Variants in SYT1 observed in about 807,000 individuals in gnomAD.
The protein encoded by SYT1 is synaptotagmin 1.
Under a neutral mutation model 44.8 loss-of-function variants are expected in SYT1, and 8 were observed. The ratio of observed to expected loss-of-function variants is 0.18; its 90% CI spans 0.10 to 0.32. SYT1 has a LOEUF of 0.32. SYT1 is among the 10% of genes least tolerant of loss of function. The pLI, the probability that SYT1 is intolerant of heterozygous loss-of-function variation, is 1.00. For missense variants in SYT1, 286 were observed against 509.3 expected (o/e 0.56, Z 4.22); for synonymous variants, 154 against 188.8 (o/e 0.82, Z 1.51).
At chr12:78,950,706 T>C (rs968498167) in intron 1 of SYT1, among the ~76,000 whole-genome samples, 4 of 152,112 alleles carry the variant, frequency 2.6e-5, no homozygotes, top group African/African-American at 7.2e-5. Flanking sequence ...TTTAAATGTA[T>C]GTATATTTAT....
chr12:78,927,938 A>G (rs1877396150), intron 1 of SYT1, among the ~76,000 whole-genome samples: 1 of 152,102 alleles, frequency 6.6e-6, no homozygotes, highest in Non-Finnish European at 1.5e-5. Context: ...AGCTATGGAT[A>G]CCTCCACACT....
chr12:78,945,411 A>G (rs139500987), intron 1 of SYT1, among the ~76,000 whole-genome samples: 1 of 151,526 alleles, frequency 6.6e-6, no homozygotes, highest in African/African-American at 2.4e-5. Context: ...TATGTTATAC[A>G]TATGCATATA....
At chr12:78,909,845 T>C (rs1876215091) in intron 1 of SYT1, among the ~76,000 whole-genome samples, 1 of 150,182 alleles carries the variant, frequency 6.7e-6, no homozygotes, top group Non-Finnish European at 1.5e-5. Flanking sequence ...TAACTTAGTC[T>C]TCAAAGTGTC....
intron 8 of SYT1, among the ~76,000 whole-genome samples, chr12:79,307,247 A>G (rs573585535): frequency 6.6e-6 from 1 of 152,322 alleles, no homozygotes; most frequent in East Asian, 1.9e-4. Context: ...CTGAAAAACA[A>G]GAGCTTAAAT....
At chr12:79,442,219 T>C (rs1182821737) in intron 9 of SYT1, among the ~76,000 whole-genome samples, 1 of 152,214 alleles carries the variant, frequency 6.6e-6, no homozygotes, top group Non-Finnish European at 1.5e-5. Flanking sequence ...GCGACATGAC[T>C]AGCTTTATAA....
chr12:79,178,989 T>G lies in SYT1; in HGVS notation c.-17-38514T>G, dbSNP rs58236619. 2.7e-3 allele frequency among the ~76,000 whole-genome samples: 186 copies of G among 69,296 alleles called. 7 individuals are homozygous for G. The highest frequency in any genetic ancestry group is 0.013 in the East Asian group (24 of 1,830). The allele number at this position is 69,296 out of a possible 152,430, so 45.5% of individuals were successfully genotyped here. On this transcript the variant is annotated intron_variant, in intron 3 of 10. Transcript: ENST00000261205. ...ATAGATATATAGATATAGATATATC[T>G]ATATAGATATAGATATAGATATATA...
chr12:79,044,203 A>G (rs1352514513), intron 2 of SYT1, among the ~76,000 whole-genome samples: 2 of 152,046 alleles, frequency 1.3e-5, no homozygotes, highest in Non-Finnish European at 2.9e-5. Context: ...GTTCTCCTGG[A>G]TAATATCCTG....
chr12:79,318,822 G>A lies in SYT1; in HGVS notation c.810+19271G>A, dbSNP rs909955775. ...CGTCAGAAATAGTCTGCTCTTAATC[G>A]TATCTCAGTGTCAAAAAACAAAAAC... On this transcript the variant is annotated intron_variant, in intron 8 of 10. Coordinates refer to ENST00000261205, the MANE Select transcript of SYT1 (RefSeq NM_005639.3). Among the ~76,000 whole-genome samples the A allele has an allele frequency of 5.9e-5, 9 of 152,238 alleles. No homozygotes were observed. In the South Asian group the frequency reaches 6.2e-4, roughly 11 times the overall value.
At chr12:79,179,363 TATAG>T (rs1303625126) in intron 3 of SYT1, among the ~76,000 whole-genome samples, 1 of 22,268 alleles carries the variant, frequency 4.5e-5, no homozygotes, top group East Asian at 5.4e-4. Context: ...TCGATATAGA[TATAG>T]ATATAGATAT....
intron 1 of SYT1, among the ~76,000 whole-genome samples, chr12:78,903,444 G>T (rs1186081072): frequency 1.3e-5 from 2 of 151,708 alleles, no homozygotes. Context: ...GCACCACCAT[G>T]CCCAGCTAAT....
chr12:79,107,408 T>C (rs1026049213), intron 3 of SYT1, among the ~76,000 whole-genome samples: 9 of 151,926 alleles, frequency 5.9e-5, no homozygotes, highest in Non-Finnish European at 1.3e-4. Flanking sequence ...GATGCAACTA[T>C]TAACATAGAT....
At chr12:79,148,689 G>A (rs1870076807) in intron 3 of SYT1, among the ~76,000 whole-genome samples, 2 of 152,116 alleles carry the variant, frequency 1.3e-5, no homozygotes, top group African/African-American at 4.8e-5. Flanking sequence ...TGTAAATAAT[G>A]CACTATAGTT....
At chr12:78,871,003 T>C (rs1453767979) in intron 1 of SYT1, among the ~76,000 whole-genome samples, 1 of 152,120 alleles carries the variant, frequency 6.6e-6, no homozygotes, top group East Asian at 1.9e-4. Context: ...TTTCTTTTGT[T>C]TACTCACAAG....
intron 1 of SYT1, among the ~76,000 whole-genome samples, chr12:78,884,025 TACTC>T (rs1441181759): frequency 1.9e-5 from 2 of 107,116 alleles, no homozygotes; most frequent in African/African-American, 6.4e-5. Flanking sequence ...TTATTTAAAA[TACTC>T]AATCTAATAA....
At chr12:79,403,567 G>A (rs1021141307) in intron 9 of SYT1, among the ~76,000 whole-genome samples, 2 of 151,982 alleles carry the variant, frequency 1.3e-5, no homozygotes, top group African/African-American at 4.8e-5. Flanking sequence ...GGGTGCTAAG[G>A]GTTACAACTT....
rs1592979650 is a variant in SYT1, at chr12:79,338,830, C to T, written c.811-14672C>T. Among the ~76,000 whole-genome samples, 2 of 152,032 alleles carry T rather than the reference C, an allele frequency of 1.3e-5. 1 individual carries two copies. The highest frequency in any genetic ancestry group is 4.1e-4 in the South Asian group (2 of 4,822). On this transcript the variant is annotated intron_variant, in intron 8 of 10. Transcript: ENST00000261205. ...TACTATCCCTCCCCCATCCCCCGAC[C>T]CCACAACAGGCCCGTGTGTGATGTT...
At chr12:79,159,511 T>G (rs1387639166) in intron 3 of SYT1, among the ~76,000 whole-genome samples, 1 of 152,192 alleles carries the variant, frequency 6.6e-6, no homozygotes, top group Non-Finnish European at 1.5e-5. Context: ...ATGTAACTTT[T>G]ATTACAGTAT....
intron 4 of SYT1, among the ~76,000 whole-genome samples, chr12:79,261,800 C>T (rs1877844681): frequency 6.6e-6 from 1 of 152,060 alleles, no homozygotes; most frequent in Non-Finnish European, 1.5e-5. Context: ...AATAAAAGCT[C>T]AAAGAAGAAA....
At chr12:79,128,200 C>T (rs1868566975) in intron 3 of SYT1, among the ~76,000 whole-genome samples, 1 of 152,016 alleles carries the variant, frequency 6.6e-6, no homozygotes, top group South Asian at 2.1e-4. Context: ...TCAAGACCAG[C>T]CTGGGCAACA....
Sources: gnomAD v4.1 joint callset for allele counts (sites outside exome capture counted in the v4.1 genomes callset) on GRCh38, gnomAD v4.1.1 for gene constraint, MANE v1.5 for transcripts, NCBI Gene and HGNC (gene_info 2026-07-23, HGNC 2026-07-21) for gene names.